PIK3R1: variants seen among roughly 807,000 people sequenced by gnomAD.
The protein encoded by PIK3R1 is phosphoinositide-3-kinase regulatory subunit 1.
Under a neutral mutation model 98.0 loss-of-function variants are expected in PIK3R1, and 29 were observed. That is an observed-to-expected ratio of 0.30 (90% confidence interval 0.22 to 0.40). The LOEUF is 0.40. PIK3R1 is among the 10% of genes least tolerant of loss of function. The pLI is 1.00. For missense variants in PIK3R1, 596 were observed against 872.7 expected, an observed-to-expected ratio of 0.68 and a Z score of 3.99; for synonymous variants, 282 against 311.8, an observed-to-expected ratio of 0.90 and a Z score of 1.01.
chr5:68,260,755 A>G (rs938009034), intron 2 of PIK3R1, among the ~76,000 whole-genome samples: 2 of 152,174 alleles, frequency 1.3e-5, no homozygotes, highest in African/African-American at 4.8e-5. Flanking sequence ...TCTCAATTTC[A>G]TGATCTTCTT....
Position 68,297,813 on chromosome 5 carries a change from G to A in PIK3R1, c.*212G>A, listed in dbSNP as rs1463063899. 2.5e-6 allele frequency: 1 copy of A among 406,220 alleles called. No individual in the cohort carries two copies. Among genetic ancestry groups the A allele is most frequent in the Non-Finnish European group, 4.4e-6 (1 of 229,448 alleles). 25.2% of individuals were successfully genotyped at this position (406,220 alleles called of 1,614,324 possible). A position where few individuals can be genotyped will look rare whatever the true frequency, so the allele number is the denominator to read the frequency against. On this transcript the variant is annotated 3_prime_UTR_variant, in exon 16 of 16. Coordinates refer to ENST00000521381, the MANE Select transcript of PIK3R1 (RefSeq NM_181523.3). ...TGACCACACGTTCCTAAGCTGGAGTGCTTATCCCTTCTTTTTCTTTTTTTC... is the reference window on the plus strand; with the variant it reads ...TGACCACACGTTCCTAAGCTGGAGTACTTATCCCTTCTTTTTCTTTTTTTC...
chr5:68,226,112 G>C (rs577728664), intron 1 of PIK3R1, among the ~76,000 whole-genome samples, 178 bp from the exon 2 acceptor site: 66 of 152,120 alleles, frequency 4.3e-4, no homozygotes, highest in South Asian at 1.0e-3. Context: ...GCCCCCGCCC[G>C]GTGTTCTTAG....
intron 4 of PIK3R1, among the ~76,000 whole-genome samples, chr5:68,277,536 C>T (rs1042764758): frequency 3.9e-5 from 6 of 152,314 alleles, no homozygotes; most frequent in African/African-American, 7.2e-5. Flanking sequence ...ACTTTCGGAA[C>T]GTCGGCCTAC....
intron 1 of PIK3R1, chr5:68,217,321 T>C (rs1369992155): frequency 6.6e-6 from 1 of 152,212 alleles, no homozygotes; most frequent in Non-Finnish European, 1.5e-5. Flanking sequence ...TGGTTAGATA[T>C]TAGCTAGGAA....
At chr5:68,283,788 C>T (rs765730087) in intron 7 of PIK3R1, among the ~76,000 whole-genome samples, 5 of 152,214 alleles carry the variant, frequency 3.3e-5, no homozygotes, top group African/African-American at 4.8e-5. Context: ...CAGGAGCCGC[C>T]TCCTACACTC....
intron 2 of PIK3R1, among the ~76,000 whole-genome samples, chr5:68,258,325 A>G (rs1272306062): frequency 6.6e-6 from 1 of 152,184 alleles, no homozygotes; most frequent in African/African-American, 2.4e-5. Context: ...CATGTTCTGG[A>G]AAAAGGATGT....
intron 2 of PIK3R1, among the ~76,000 whole-genome samples, chr5:68,265,875 A>T (rs189854620): frequency 5.3e-5 from 8 of 152,370 alleles, no homozygotes; most frequent in Non-Finnish European, 8.8e-5. Context: ...CAGGATATTT[A>T]AAAATGTCAG....
intron 5 of PIK3R1, 112 bp from the exon 6 acceptor site, chr5:68,280,416 A>C: frequency 1.3e-6 from 1 of 742,748 alleles, no homozygotes; most frequent in East Asian, 2.5e-5. Flanking sequence ...ACAACTTTTT[A>C]AATGACTCCT....
chr5:68,289,356 A>G (rs538452170), intron 7 of PIK3R1, among the ~76,000 whole-genome samples: 58 of 152,256 alleles, frequency 3.8e-4, no homozygotes, highest in African/African-American at 1.3e-3. Flanking sequence ...GGGAAAATGA[A>G]TTAAACTAGA....
At chr5:68,262,470 A>ATG (rs1402105672) in intron 2 of PIK3R1, among the ~76,000 whole-genome samples, 13 of 146,396 alleles carry the variant, frequency 8.9e-5, no homozygotes, top group East Asian at 2.0e-4. Context: ...ATATCTATAT[A>ATG]TGTACATATA....
Position 68,301,186 on chromosome 5 carries a change from G to T in PIK3R1, c.*3585G>T, listed in dbSNP as rs1212411733. 1 of 221,758 alleles carries T rather than the reference G, an allele frequency of 4.5e-6. No individual in the cohort carries two copies. Among genetic ancestry groups the T allele is most frequent in the African/African-American group, 2.2e-5 (1 of 44,506 alleles). The allele number at this position is 221,758 out of a possible 1,614,324, so 13.7% of individuals were successfully genotyped here. ...AGCACAATGTCTCACATGGGACAAA[G>T]TTCCAAAATGCCAAATTCTTATTTT... On this transcript the variant is annotated 3_prime_UTR_variant, in exon 16 of 16. Transcript: ENST00000521381.
intron 4 of PIK3R1, among the ~76,000 whole-genome samples, chr5:68,276,682 C>T (rs946088006): frequency 6.6e-6 from 1 of 152,340 alleles, no homozygotes; most frequent in African/African-American, 2.4e-5. Context: ...ATAAATAGAA[C>T]AGACTTTGTC....
chr5:68,245,494 C>G (rs1415447127), intron 2 of PIK3R1, among the ~76,000 whole-genome samples: 1 of 152,156 alleles, frequency 6.6e-6, no homozygotes. Flanking sequence ...ATAGGCTGGA[C>G]GTCTCAGAGT....
At position 68,298,233 on chromosome 5, in the gene PIK3R1, C is replaced by T; in HGVS notation, c.*632C>T. 3 of 232,598 alleles carry T rather than the reference C, an allele frequency of 1.3e-5. No individual in the cohort carries two copies. In the East Asian group the frequency reaches 1.8e-4, roughly 14 times the overall value. 14.4% of individuals were successfully genotyped at this position (232,598 alleles called of 1,614,324 possible). A position where few individuals can be genotyped will look rare whatever the true frequency, so the allele number is the denominator to read the frequency against. ...AAGTGCCAGAAAGTGTTTAACTTGT[C>T]AAAAAACAAAAACCCAGCAACAGAA... On this transcript the variant is annotated 3_prime_UTR_variant, in exon 16 of 16. Coordinates refer to ENST00000521381, the MANE Select transcript of PIK3R1 (RefSeq NM_181523.3).
chr5:68,288,418 T>A (rs4317277), intron 7 of PIK3R1: 1 of 1,229,204 alleles, frequency 8.1e-7, no homozygotes, highest in Non-Finnish European at 1.0e-6. Flanking sequence ...TCCTCCCCGA[T>A]ACAGTAGCGA....
At position 68,298,454 on chromosome 5, in the gene PIK3R1, C is replaced by G. The variant is rs1036304018; in HGVS notation, c.*853C>G. 12 of 233,024 alleles carry G rather than the reference C, an allele frequency of 5.1e-5. No individual in the cohort carries two copies. The Admixed American group carries it at 6.2e-4, about 12-fold the overall frequency. The allele number at this position is 233,024 out of a possible 1,614,324, so 14.4% of individuals were successfully genotyped here. ...AGTTGTTATTTCAGTTTTAAATGTACCTTCAGAATAAGCTTCCCCACCCCA... is the reference window on the plus strand; with the variant it reads ...AGTTGTTATTTCAGTTTTAAATGTAGCTTCAGAATAAGCTTCCCCACCCCA... On this transcript the variant is annotated 3_prime_UTR_variant, in exon 16 of 16. Coordinates refer to ENST00000521381, the MANE Select transcript of PIK3R1 (RefSeq NM_181523.3).
chr5:68,273,746 G>A (rs1180809712), intron 3 of PIK3R1, 193 bp from the exon 4 acceptor site: 4 of 614,716 alleles, frequency 6.5e-6, no homozygotes, highest in Middle Eastern at 4.4e-4. Context: ...TTTCTTCTTA[G>A]AGGCCAGATG....
chr5:68,223,217 A>G (rs1306829418), intron 1 of PIK3R1, among the ~76,000 whole-genome samples: 1 of 152,036 alleles, frequency 6.6e-6, no homozygotes, highest in Non-Finnish European at 1.5e-5. Context: ...TTCAGTCCTC[A>G]AGAATGACAG....
In PIK3R1 at chr5:68,280,544, A is replaced by G. The variant is rs1746791759; in HGVS notation, c.651A>G (p.Glu217=). The G allele has an allele frequency of 6.2e-7, 1 of 1,609,896 alleles. No homozygotes were observed. Residue 217 remains glutamate, a synonymous_variant, in exon 6 of 16, where the codon GAA becomes GAG. Transcript: ENST00000521381. The part of the protein sequence containing the change: ...ISLAPEVQSS[E]EYIQLLKKLI... ...AACTTGTAGAAGTACAAAGCTCCGA[A>G]GAATATATTCAGCTATTGAAGAAGC...
Sources: allele counts gnomAD v4.1 joint callset (sites outside exome capture counted in the v4.1 genomes callset), GRCh38; gene constraint gnomAD v4.1.1; transcripts MANE v1.5; gene names NCBI Gene and HGNC (gene_info 2026-07-23, HGNC 2026-07-21).